The following KMT2B variants were observed in gnomAD, a reference collection of about 807,000 sequenced individuals.
KMT2B encodes the protein histone-lysine N-methyltransferase 2B.
A neutral mutation model predicts 255.3 loss-of-function variants in KMT2B; 22 were observed. The observed-to-expected ratio is 0.09, with a 90% CI of 0.06 to 0.12. KMT2B has a LOEUF of 0.12. KMT2B is among the 10% of genes least tolerant of loss of function. The pLI is 1.00. For synonymous variants in KMT2B, 1,730 were observed against 1,498.1 expected (o/e 1.15, Z -3.57); for missense variants, 3,149 against 3,737.0 (o/e 0.84, Z 4.10).
chr19:35,729,367 TCTTA>T lies in KMT2B; in HGVS notation c.4917+75_4917+78del, dbSNP rs1412681735. 7.2e-6 allele frequency: 11 copies of T among 1,520,712 alleles called. No individual in the cohort carries two copies. The South Asian group carries it at 8.4e-5, about 12-fold the overall frequency. The allele number at this position is 1,520,712 out of a possible 1,614,324, so 94.2% of individuals were successfully genotyped here. A position where few individuals can be genotyped will look rare whatever the true frequency, so the allele number is the denominator to read the frequency against. The stretch of plus-strand genomic sequence containing the variant: ...GGAGGCCTCCTCCGGTGCAAACAGC[TCTTA>T]CTTCACATTCCCTACCTGGCATCCT... On this transcript the variant is annotated intron_variant, in intron 22 of 36. Transcript: ENST00000420124.
Position 35,724,687 on chromosome 19 carries a change from C to G in KMT2B, c.3385C>G (p.Leu1129Val). ...EEQSRPRKPT[L>V]QPVLQLKARR... ...GCAGAGCCGGCCCCGCAAACCTACCCTGCAGCCTGTGTTGCAGCTCAAGGC... is the reference window on the plus strand; with the variant it reads ...GCAGAGCCGGCCCCGCAAACCTACCGTGCAGCCTGTGTTGCAGCTCAAGGC... Residue 1129 changes from leucine to valine, a missense_variant, in exon 9 of 37, where the codon CTG becomes GTG. Leu to Val is a conservative substitution (Grantham distance 32). Coordinates refer to ENST00000420124, the MANE Select transcript of KMT2B (RefSeq NM_014727.3). The G allele has an allele frequency of 6.2e-7, 1 of 1,602,476 alleles. No homozygotes were observed. The highest frequency in any genetic ancestry group is 8.5e-7 in the Non-Finnish European group (1 of 1,174,862).
In KMT2B at chr19:35,733,690, A is replaced by T; in HGVS notation, c.7049+4A>T. The T allele has an allele frequency of 6.2e-7, 1 of 1,603,574 alleles. No individual in the cohort carries two copies. Among genetic ancestry groups the T allele is most frequent in the Non-Finnish European group, 8.5e-7 (1 of 1,175,344 alleles). On this transcript the variant is annotated splice_donor_region_variant and intron_variant, in intron 29 of 36. Coordinates refer to ENST00000420124, the MANE Select transcript of KMT2B (RefSeq NM_014727.3). This position sits in a 1 kb window ranked among gnomAD's most constrained non-coding sequence, Gnocchi z 4.3. The stretch of plus-strand genomic sequence containing the variant: ...CCGCTGGGGAAGAAAGTCCTGGGTG[A>T]GTGGCCAGGCCCCTCTCCCTGGAGG...
Position 35,727,066 on chromosome 19 carries a change from C to T in KMT2B, c.4004-90C>T. 2.4e-6 allele frequency: 2 copies of T among 825,636 alleles called. No homozygotes were observed. The highest frequency in any genetic ancestry group is 1.6e-5 in the South Asian group (1 of 62,030). 51.1% of individuals were successfully genotyped at this position (825,636 alleles called of 1,614,324 possible). A position where few individuals can be genotyped will look rare whatever the true frequency, so the allele number is the denominator to read the frequency against. ...GCCCAAAACAGGGGCATAGTGGAGG[C>T]AGCTAAGGTACTGCTAATCCTTGAA... On this transcript the variant is annotated intron_variant, in intron 14 of 36. Coordinates refer to ENST00000420124, the MANE Select transcript of KMT2B (RefSeq NM_014727.3). This position sits in a 1 kb window ranked among gnomAD's most constrained non-coding sequence, Gnocchi z 4.2.
Position 35,724,972 on chromosome 19 carries a change from C to A in KMT2B, c.3430-17C>A. 6.4e-7 allele frequency: 1 copy of A among 1,573,020 alleles called. No homozygotes were observed. The highest frequency in any genetic ancestry group is 2.2e-5 in the East Asian group (1 of 44,678). On this transcript the variant is annotated splice_polypyrimidine_tract_variant and intron_variant, in intron 9 of 36. Coordinates refer to ENST00000420124, the MANE Select transcript of KMT2B (RefSeq NM_014727.3). ...GCCAGGCTGGCAGCTCTGAATTCCC[C>A]CACCTTTCCTCCCCAGGATGCTTTG...
At chr19:35,724,314 A>G (rs1364837162) in intron 8 of KMT2B, among the ~76,000 whole-genome samples, 1 of 152,166 alleles carries the variant, frequency 6.6e-6, no homozygotes. Context: ...CAGCCTGGGC[A>G]ACATAGTGGG....
rs548457460 is a variant in KMT2B at position 35,737,369 on chromosome 19, C to T, written c.7550+106C>T. 2.5e-6 allele frequency: 3 copies of T among 1,185,754 alleles called. No homozygotes were observed. The African/African-American group carries it at 4.6e-5, about 18-fold the overall frequency. The allele number at this position is 1,185,754 out of a possible 1,614,324, so 73.5% of individuals were successfully genotyped here. A position where few individuals can be genotyped will look rare whatever the true frequency, so the allele number is the denominator to read the frequency against. On this transcript the variant is annotated intron_variant, in intron 33 of 36. Coordinates refer to ENST00000420124, the MANE Select transcript of KMT2B (RefSeq NM_014727.3). This position sits in a 1 kb window ranked among gnomAD's most constrained non-coding sequence, Gnocchi z 5.3. ...GAAACTGAGGCCTGGGGAGGAGACACTAGGTCACTTGAAGAGTTATTTCTA... is the reference window on the plus strand; with the variant it reads ...GAAACTGAGGCCTGGGGAGGAGACATTAGGTCACTTGAAGAGTTATTTCTA...
At chr19:35,721,941 A>G (rs888862862) in intron 3 of KMT2B, 137 bp downstream of exon 3, 78 of 1,207,328 alleles carry the variant, frequency 6.5e-5, no homozygotes, top group Non-Finnish European at 8.5e-5. Context: ...GTGATCCCCC[A>G]CCTTCCTTTG....
In KMT2B at chr19:35,732,329, G is replaced by T. The variant is rs372039999; in HGVS notation, c.5780G>T (p.Arg1927Leu). Reference protein sequence around the residue: ...SPLAPRPPPSRWASPPLKTSP... With the variant: ...SPLAPRPPPSLWASPPLKTSP... Reference sequence around the variant, plus strand: ...TTGGCTCCCAGGCCGCCTCCATCACGGTGGGCCTCCCCTCCTCTAAAAACC... The same window carrying T: ...TTGGCTCCCAGGCCGCCTCCATCACTGTGGGCCTCCCCTCCTCTAAAAACC... Residue 1927 changes from arginine to leucine, a missense_variant, in exon 28 of 37, where the codon CGG becomes CTG. This residue lies in a region of KMT2B where 897 missense variants were observed against 825.3 expected (regional missense o/e 1.09). Coordinates refer to ENST00000420124, the MANE Select transcript of KMT2B (RefSeq NM_014727.3). 6.2e-7 allele frequency: 1 copy of T among 1,611,004 alleles called. No individual in the cohort carries two copies. The highest frequency in any genetic ancestry group is 1.7e-5 in the Admixed American group (1 of 59,664).
intron 13 of KMT2B, 21 bp from the exon 14 acceptor site, chr19:35,726,215 A>G (rs1156654377): frequency 1.3e-6 from 2 of 1,595,606 alleles, no homozygotes. Context: ...GTTTTCCCCT[A>G]ACATCGCCCT....
At position 35,732,300 on chromosome 19, in the gene KMT2B, C is replaced by T. The variant is rs1468275589; in HGVS notation, c.5751C>T (p.Ser1917=). The change falls in exon 28 of 37, where the codon AGC becomes AGT. Residue 1917 remains serine, a synonymous_variant. Coordinates refer to ENST00000420124, the MANE Select transcript of KMT2B (RefSeq NM_014727.3). ...PAPPRRSRRP[S]PLAPRPPPSR... ...CCCCCAGACGTTCCCGTCGTCCCAG[C>T]CCTTTGGCTCCCAGGCCGCCTCCAT... The T allele has an allele frequency of 6.2e-7, 1 of 1,611,184 alleles. No homozygotes were observed. Among genetic ancestry groups the T allele is most frequent in the Admixed American group, 1.7e-5 (1 of 59,754 alleles).
chr19:35,723,338 C>A lies in KMT2B; in HGVS notation c.3002+64C>A. ...GGTCCCCTAGGCTTCCTACCTCACTCCTCTTCTGCCTGGCCAGAGCAGTGG... is the reference window on the plus strand; with the variant it reads ...GGTCCCCTAGGCTTCCTACCTCACTACTCTTCTGCCTGGCCAGAGCAGTGG... On this transcript the variant is annotated intron_variant, in intron 6 of 36. Coordinates refer to ENST00000420124, the MANE Select transcript of KMT2B (RefSeq NM_014727.3). This position sits in a 1 kb window ranked among gnomAD's most constrained non-coding sequence, Gnocchi z 7.5. 1 of 1,571,022 alleles carries A rather than the reference C, an allele frequency of 6.4e-7. No homozygotes were observed. Among genetic ancestry groups the A allele is most frequent in the Non-Finnish European group, 8.7e-7 (1 of 1,153,796 alleles).
rs778159313 is a variant in KMT2B, at chr19:35,732,058, C to T, written c.5588C>T (p.Ala1863Val). Reference sequence around the variant, plus strand: ...CCAGCCCCCCGTTCTTTTTCGGGGGCTCGAATCAAAGTGCCCAACTACTCG... The same window carrying T: ...CCAGCCCCCCGTTCTTTTTCGGGGGTTCGAATCAAAGTGCCCAACTACTCG... The part of the protein sequence containing the change: ...PPPAPRSFSG[A>V]RIKVPNYSPS... The change falls in exon 27 of 37, where the codon GCT (alanine) becomes GTT (valine). Residue 1863 changes from alanine to valine, a missense_variant. By Grantham distance (64) the Ala-to-Val change is moderately conservative (BLOSUM62 0). Around this residue, in one of 18 missense-constraint regions of KMT2B, gnomAD observed 897 missense variants for 825.3 expected, o/e 1.09. Transcript: ENST00000420124. The T allele has an allele frequency of 8.7e-6, 14 of 1,611,536 alleles. No individual in the cohort carries two copies. The highest frequency in any genetic ancestry group is 1.2e-5 in the Non-Finnish European group (14 of 1,178,952).
intron 2 of KMT2B, 96 bp downstream of exon 2, chr19:35,719,637 G>A: frequency 6.6e-7 from 1 of 1,507,860 alleles, no homozygotes; most frequent in Non-Finnish European, 9.1e-7. Context: ...TCTGTCAGTT[G>A]CCGAATGTGT....
Position 35,719,680 on chromosome 19 carries a change from C to T in KMT2B, c.437-104C>T, listed in dbSNP as rs1201915835. ...TCAGAGTCCAAGCTAGTCTGGGCAG[C>T]GGGGGAAACACACAAGCAAGACTTA... On this transcript the variant is annotated intron_variant, in intron 2 of 36. Transcript: ENST00000420124. 7.3e-6 allele frequency: 11 copies of T among 1,515,850 alleles called. No individual in the cohort carries two copies. In the Admixed American group the frequency reaches 1.6e-4, roughly 22 times the overall value. The allele number at this position is 1,515,850 out of a possible 1,614,324, so 93.9% of individuals were successfully genotyped here.
At position 35,736,576 on chromosome 19, in the gene KMT2B, C is replaced by G. The variant is rs907976832; in HGVS notation, c.7160-114C>G. 5.5e-6 allele frequency: 7 copies of G among 1,267,094 alleles called. No individual in the cohort carries two copies. In the Admixed American group the frequency reaches 8.8e-5, roughly 16 times the overall value. The allele number at this position is 1,267,094 out of a possible 1,614,324, so 78.5% of individuals were successfully genotyped here. On this transcript the variant is annotated intron_variant, in intron 30 of 36. Coordinates refer to ENST00000420124, the MANE Select transcript of KMT2B (RefSeq NM_014727.3). The stretch of plus-strand genomic sequence containing the variant: ...AAGGAGGGCCATTAGACCCTAGTAT[C>G]TGTGTCTGCGCCTAGGGGTGGAGAG...
chr19:35,720,843 C>G lies in KMT2B; in HGVS notation c.1496C>G (p.Pro499Arg). ...GGCACCTCTCCTCCCACTCCAACCC[C>G]CAGCACCGCCACGGGAGGCCCTCCG... The part of the protein sequence containing the change: ...PEGTSPPTPT[P>R]STATGGPPED... Residue 499 changes from proline to arginine, a missense_variant, in exon 3 of 37, where the codon CCC becomes CGC. Pro to Arg is a moderately radical substitution (Grantham distance 103, BLOSUM62 -2). This residue lies in a region of KMT2B where 1,188 missense variants were observed against 1,106.4 expected (regional missense o/e 1.07). Transcript: ENST00000420124. 1 of 1,562,786 alleles carries G rather than the reference C, an allele frequency of 6.4e-7. No homozygotes were observed. Among genetic ancestry groups the G allele is most frequent in the Non-Finnish European group, 8.7e-7 (1 of 1,153,694 alleles).
intron 26 of KMT2B, 71 bp downstream of exon 26, chr19:35,730,938 G>A (rs753483967): frequency 3.0e-5 from 44 of 1,453,982 alleles, no homozygotes; most frequent in East Asian, 3.0e-4. Context: ...TCTGTTCCCC[G>A]CTCCCTTTTG....
chr19:35,719,195 C>T (rs1440371990), intron 1 of KMT2B, among the ~76,000 whole-genome samples: 1 of 152,120 alleles, frequency 6.6e-6, no homozygotes, highest in Non-Finnish European at 1.5e-5. Context: ...CCTGAGGAGA[C>T]CCTGTCGTCT....
intron 18 of KMT2B, 25 bp from the exon 19 acceptor site, chr19:35,728,073 C>A: frequency 6.3e-7 from 1 of 1,581,828 alleles, no homozygotes; most frequent in East Asian, 2.3e-5. Context: ...GCTGGCTCTT[C>A]TCATCCTGTT....
Sources: gnomAD v4.1 joint callset for allele counts (sites outside exome capture counted in the v4.1 genomes callset) on GRCh38, gnomAD v4.1.1 for gene constraint, gnomAD v4.1.1 regional missense constraint, Gnocchi (gnomAD v3.1) non-coding constraint, MANE v1.5 for transcripts, NCBI Gene and HGNC (gene_info 2026-07-23, HGNC 2026-07-21) for gene names.